The following DCC variants were observed in gnomAD, a reference collection of about 807,000 sequenced individuals.
DCC encodes netrin receptor DCC.
DCC carries 58 observed loss-of-function variants against 172.5 expected under a neutral mutation model. That is an observed-to-expected ratio of 0.34 (90% CI 0.27 to 0.42). DCC has a LOEUF of 0.42. Ranked by LOEUF, DCC falls within the 10% of genes least tolerant of loss-of-function variation. The pLI is 1.00. For synonymous variants in DCC, 709 were observed against 644.5 expected (o/e 1.10, Z -1.52); for missense variants, 1,740 against 1,791.0 (o/e 0.97, Z 0.51).
chr18:52,782,563 C>G (rs895885014), intron 2 of DCC, among the ~76,000 whole-genome samples: 3 of 152,132 alleles, frequency 2.0e-5, no homozygotes, highest in Admixed American at 6.6e-5. Flanking sequence ...TACATACTCA[C>G]CCTTTCTAGC....
At chr18:52,826,623 C>T (rs930123730) in intron 2 of DCC, among the ~76,000 whole-genome samples, 1 of 152,008 alleles carries the variant, frequency 6.6e-6, no homozygotes, top group Non-Finnish European at 1.5e-5. Flanking sequence ...TGGGACTGTG[C>T]GTGAGCCACC....
chr18:52,836,741 G>GGT (rs1482924989), intron 2 of DCC, among the ~76,000 whole-genome samples: 1 of 152,162 alleles, frequency 6.6e-6, no homozygotes, highest in East Asian at 1.9e-4. Flanking sequence ...GGCTCTTCCA[G>GGT]GTGCACAGTG....
intron 1 of DCC, among the ~76,000 whole-genome samples, chr18:52,629,677 G>A (rs183270527): frequency 3.9e-5 from 6 of 152,128 alleles, no homozygotes; most frequent in Admixed American, 1.3e-4. Context: ...TAGTCCGGGC[G>A]CGGTGGCTCA....
intron 1 of DCC, among the ~76,000 whole-genome samples, chr18:52,342,724 G>A (rs1042282327): frequency 2.6e-5 from 4 of 152,138 alleles, no homozygotes; most frequent in African/African-American, 9.7e-5. Context: ...CATGAAGCAA[G>A]GTGTACAAAA....
At chr18:52,443,853 TG>T (rs778110955) in intron 1 of DCC, among the ~76,000 whole-genome samples, 97 of 152,212 alleles carry the variant, frequency 6.4e-4, no homozygotes, top group Middle Eastern at 3.4e-3. Flanking sequence ...TCAGATGACA[TG>T]TATGAGTTAG....
At chr18:53,093,383 T>C (rs1245906475) in intron 7 of DCC, among the ~76,000 whole-genome samples, 2 of 152,270 alleles carry the variant, frequency 1.3e-5, no homozygotes, top group Non-Finnish European at 2.9e-5. Flanking sequence ...GCACATCTTA[T>C]TGCTCGAAAT....
chr18:53,497,053 C>G (rs1304747629), intron 26 of DCC, among the ~76,000 whole-genome samples: 2 of 152,108 alleles, frequency 1.3e-5, no homozygotes, highest in Non-Finnish European at 2.9e-5. Flanking sequence ...TTATTTAAGG[C>G]AGATTTTTGA....
chr18:52,984,058 C>A (rs556099860), intron 5 of DCC, among the ~76,000 whole-genome samples: 1 of 152,122 alleles, frequency 6.6e-6, no homozygotes, highest in Admixed American at 6.6e-5. Context: ...AATGGGCCTG[C>A]ATTTGGTTGT....
chr18:52,774,036 C>G (rs1010336094), intron 2 of DCC, among the ~76,000 whole-genome samples: 2 of 152,144 alleles, frequency 1.3e-5, no homozygotes, highest in African/African-American at 4.8e-5. Flanking sequence ...GCCTGGCAAA[C>G]CACTCTGTAA....
chr18:52,657,990 A>G (rs2062837299), intron 1 of DCC, among the ~76,000 whole-genome samples: 1 of 152,098 alleles, frequency 6.6e-6, no homozygotes, highest in Admixed American at 6.5e-5. Context: ...CTTTGCCTGG[A>G]GGAGTTTCTG....
chr18:53,004,652 T>C lies in DCC; in HGVS notation c.986-58653T>C, dbSNP rs115089472. Among the ~76,000 whole-genome samples, 516 of 152,214 alleles carry C rather than the reference T, an allele frequency of 3.4e-3. 2 individuals are homozygous for C. Among genetic ancestry groups the C allele is most frequent in the African/African-American group, 0.012 (478 of 41,532 alleles). On this transcript the variant is annotated intron_variant, in intron 5 of 28. Transcript: ENST00000442544. The stretch of plus-strand genomic sequence containing the variant: ...TCTGTTGCAGATGAACTTTTATACA[T>C]TGGCTTCTCAAAGTTGTTCCTCAAG...
At chr18:53,431,634 G>A (rs1293819644) in intron 21 of DCC, among the ~76,000 whole-genome samples, 2 of 151,880 alleles carry the variant, frequency 1.3e-5, no homozygotes, top group South Asian at 2.1e-4. Context: ...ACAGGCATGC[G>A]CCACCGTGCT....
intron 26 of DCC, among the ~76,000 whole-genome samples, chr18:53,497,975 A>G (rs1000159811): frequency 6.6e-6 from 1 of 152,168 alleles, no homozygotes; most frequent in African/African-American, 2.4e-5. Context: ...TCTGATTGCT[A>G]TATGGCTACA....
chr18:53,410,612 A>C lies in DCC; in HGVS notation c.3096A>C (p.Pro1032=), dbSNP rs772935463. The change falls in exon 20 of 29, where the codon CCA becomes CCC. Residue 1032 remains proline (P), a synonymous_variant. Coordinates refer to ENST00000442544, the MANE Select transcript of DCC (RefSeq NM_005215.4). ...IQARNSKGVG[P]LSDPILFRTL... is the part of the protein sequence containing the mutation. Reference sequence around the variant, plus strand: ...CACGAAATTCAAAAGGAGTGGGGCCACTCTCTGATCCTATCCTCTTCAGGA... The same window carrying C: ...CACGAAATTCAAAAGGAGTGGGGCCCCTCTCTGATCCTATCCTCTTCAGGA... The C allele has an allele frequency of 3.5e-5, 57 of 1,609,446 alleles. No homozygotes were observed. The East Asian group carries it at 1.2e-3, about 35-fold the overall frequency.
chr18:53,412,693 G>A (rs189689487), intron 20 of DCC, among the ~76,000 whole-genome samples: 19 of 152,250 alleles, frequency 1.2e-4, no homozygotes, highest in African/African-American at 4.6e-4. Flanking sequence ...GCTTGTGCCA[G>A]GCAGGTGTCC....
At chr18:52,708,520 C>T (rs2036246782) in intron 1 of DCC, among the ~76,000 whole-genome samples, 1 of 151,902 alleles carries the variant, frequency 6.6e-6, no homozygotes, top group Non-Finnish European at 1.5e-5. Context: ...AGGACCACAT[C>T]CAATAACAGA....
At chr18:53,271,996 C>A (rs1302686993) in intron 12 of DCC, among the ~76,000 whole-genome samples, 1 of 152,166 alleles carries the variant, frequency 6.6e-6, no homozygotes, top group Admixed American at 6.5e-5. Context: ...ATTAACTTCA[C>A]ACCAATTTCA....
intron 14 of DCC, among the ~76,000 whole-genome samples, chr18:53,335,008 C>T (rs1003975990): frequency 1.3e-5 from 2 of 152,090 alleles, no homozygotes; most frequent in Admixed American, 1.3e-4. Context: ...TTGAGGGACC[C>T]TTATATGGTT....
At chr18:53,388,776 T>C (rs547642578) in intron 16 of DCC, among the ~76,000 whole-genome samples, 1 of 152,266 alleles carries the variant, frequency 6.6e-6, no homozygotes, top group African/African-American at 2.4e-5. Flanking sequence ...TAAAATTGCA[T>C]CATTATTTTT....
Sources: allele counts gnomAD v4.1 joint callset (sites outside exome capture counted in the v4.1 genomes callset), GRCh38; gene constraint gnomAD v4.1.1; transcripts MANE v1.5; gene names NCBI Gene and HGNC (gene_info 2026-07-23, HGNC 2026-07-21).